GLIS3: variants seen among roughly 807,000 people sequenced by gnomAD.
GLIS3 encodes the protein zinc finger protein GLIS3.
GLIS3 carries 53 observed loss-of-function variants against 78.6 expected under a neutral mutation model. The ratio of observed to expected loss-of-function variants is 0.67; its 90% CI spans 0.54 to 0.85. The LOEUF is 0.85. GLIS3 is among the 40% of genes least tolerant of loss of function. GLIS3 has a pLI of 0.00. For synonymous variants in GLIS3, 684 were observed against 509.9 expected (o/e 1.34, Z -4.60); for missense variants, 1,703 against 1,231.1 (o/e 1.38, Z -5.74).
At chr9:4,018,186 C>G (rs1161934260) in intron 4 of GLIS3, among the ~76,000 whole-genome samples, 2 of 152,190 alleles carry the variant, frequency 1.3e-5, no homozygotes, top group Admixed American at 6.5e-5. Context: ...AAACTGAAAT[C>G]AACTTGACTG....
the GLIS3 span, among the ~76,000 whole-genome samples, chr9:4,435,487 A>G: frequency 1.3e-5 from 2 of 152,048 alleles, no homozygotes; most frequent in Admixed American, 1.3e-4. Flanking sequence ...GCATCTCCTG[A>G]CCCTTGTCAC....
chr9:4,103,443 C>G (rs369224397), intron 4 of GLIS3, among the ~76,000 whole-genome samples: 2 of 152,016 alleles, frequency 1.3e-5, no homozygotes, highest in East Asian at 3.9e-4. Context: ...TCAGGGAACA[C>G]GAGATACCAC....
chr9:3,926,242 TTTTTC>T (rs1429291840), intron 6 of GLIS3, among the ~76,000 whole-genome samples: 3 of 149,844 alleles, frequency 2.0e-5, no homozygotes, highest in Non-Finnish European at 3.0e-5. Flanking sequence ...TGTTTTTTTT[TTTTTC>T]TTTGACGGAG....
At chr9:3,861,114 G>A (rs1223763150) in intron 8 of GLIS3, among the ~76,000 whole-genome samples, 1 of 152,170 alleles carries the variant, frequency 6.6e-6, no homozygotes, top group Non-Finnish European at 1.5e-5. Context: ...TGGAATGATC[G>A]ATTGAATGTA....
chr9:3,864,803 C>G (rs1375246357), intron 8 of GLIS3, among the ~76,000 whole-genome samples: 1 of 152,128 alleles, frequency 6.6e-6, no homozygotes, highest in African/African-American at 2.4e-5. Context: ...GGGCGTTTGG[C>G]TCTTATAGAT....
chr9:3,933,237 G>A (rs1301872985), intron 5 of GLIS3, among the ~76,000 whole-genome samples: 3 of 151,858 alleles, frequency 2.0e-5, no homozygotes, highest in South Asian at 2.1e-4. Context: ...GTGCAGTGGC[G>A]CAATCTCGGC....
At chr9:4,401,913 C>T in the GLIS3 span, among the ~76,000 whole-genome samples, 1 of 152,124 alleles carries the variant, frequency 6.6e-6, no homozygotes, top group Non-Finnish European at 1.5e-5. Context: ...CTATGGAAAG[C>T]AGAGGCAAGA....
intron 2 of GLIS3, among the ~76,000 whole-genome samples, chr9:4,199,599 A>C (rs907754534): frequency 6.6e-5 from 10 of 151,916 alleles, no homozygotes; most frequent in African/African-American, 2.2e-4. Context: ...ATTCAACAAG[A>C]AGACTTAACT....
chr9:3,878,595 T>C (rs1423730419), intron 8 of GLIS3: 3 of 152,140 alleles, frequency 2.0e-5, no homozygotes, highest in Non-Finnish European at 4.4e-5. Flanking sequence ...TGTTCAACAA[T>C]TGCCAGAACT....
At chr9:4,109,343 A>G (rs1831025896) in intron 4 of GLIS3, among the ~76,000 whole-genome samples, 1 of 152,204 alleles carries the variant, frequency 6.6e-6, no homozygotes, top group South Asian at 2.1e-4. Context: ...CCACATCTTA[A>G]TCATTCTACA....
chr9:4,396,969 G>C, the GLIS3 span, among the ~76,000 whole-genome samples: 2 of 149,662 alleles, frequency 1.3e-5, no homozygotes, highest in Middle Eastern at 7.0e-3. Flanking sequence ...TTCTTCTCTT[G>C]TCTCCCATGT....
chr9:4,098,379 T>C (rs1372311744), intron 4 of GLIS3, among the ~76,000 whole-genome samples: 1 of 152,174 alleles, frequency 6.6e-6, no homozygotes, highest in African/African-American at 2.4e-5. Context: ...GAGTAGAAGA[T>C]GAATGATATA....
intron 4 of GLIS3, among the ~76,000 whole-genome samples, chr9:4,055,647 G>A (rs766433328): frequency 2.6e-5 from 4 of 152,226 alleles, no homozygotes; most frequent in Non-Finnish European, 5.9e-5. Flanking sequence ...AAGCCCCGCA[G>A]AGGAAACGAG....
At chr9:4,182,731 T>G (rs537154468) in intron 2 of GLIS3, among the ~76,000 whole-genome samples, 1 of 152,324 alleles carries the variant, frequency 6.6e-6, no homozygotes, top group East Asian at 1.9e-4. Context: ...GCGACTATCT[T>G]GGAGACTTAG....
chr9:3,985,444 A>C (rs1563920408), intron 4 of GLIS3, among the ~76,000 whole-genome samples: 1 of 152,218 alleles, frequency 6.6e-6, no homozygotes, highest in African/African-American at 2.4e-5. Context: ...CACTGCACCC[A>C]GCCCCAGTCA....
At chr9:4,171,724 T>C (rs1279287455) in intron 2 of GLIS3, among the ~76,000 whole-genome samples, 3 of 152,190 alleles carry the variant, frequency 2.0e-5, no homozygotes. Context: ...TTTCTTTTGA[T>C]ATGGATTAAG....
chr9:4,093,065 C>T (rs1401650162), intron 4 of GLIS3, among the ~76,000 whole-genome samples: 1 of 152,134 alleles, frequency 6.6e-6, no homozygotes, highest in Non-Finnish European at 1.5e-5. Context: ...CATAGCCACT[C>T]TTTGACCAAC....
At chr9:4,073,901 G>T (rs1430834193) in intron 4 of GLIS3, among the ~76,000 whole-genome samples, 4 of 152,212 alleles carry the variant, frequency 2.6e-5, no homozygotes, top group East Asian at 1.9e-4. Flanking sequence ...TCTGATGTGT[G>T]TAAGTACACA....
At position 4,030,117 on chromosome 9, in the gene GLIS3, T is replaced by C. The variant is rs1029192447; in HGVS notation, c.1710+87651A>G. 2.0e-5 allele frequency among the ~76,000 whole-genome samples: 3 copies of C among 152,198 alleles called. No homozygotes were observed. In the South Asian group the frequency reaches 6.2e-4, roughly 31 times the overall value. On this transcript the variant is annotated intron_variant, in intron 4 of 10. Transcript: ENST00000381971. ...ATCCTCACTAGAATTTGTTATTGCCTGTCTTTTGGATATAAGCCATTTTAA... is the reference window on the plus strand; with the variant it reads ...ATCCTCACTAGAATTTGTTATTGCCCGTCTTTTGGATATAAGCCATTTTAA...
Sources: gnomAD v4.1 joint callset for allele counts (sites outside exome capture counted in the v4.1 genomes callset) on GRCh38, gnomAD v4.1.1 for gene constraint, MANE v1.5 for transcripts, NCBI Gene and HGNC (gene_info 2026-07-23, HGNC 2026-07-21) for gene names.